Variants in SUGCT observed in about 807,000 individuals in gnomAD.
The protein encoded by SUGCT is succinyl-CoA:glutarate CoA-transferase.
In SUGCT, 41 loss-of-function variants were observed where a neutral mutation model predicts 55.0. That is an observed-to-expected ratio of 0.74 (90% CI 0.58 to 0.97). The LOEUF (loss-of-function observed/expected upper bound fraction) is 0.97. SUGCT is among the 50% of genes least tolerant of loss of function. SUGCT has a pLI of 0.00. For synonymous variants in SUGCT, 187 were observed against 200.4 expected, an observed-to-expected ratio of 0.93 and a Z score of 0.56; for missense variants, 568 against 547.8, an observed-to-expected ratio of 1.04 and a Z score of -0.37.
chr7:40,485,414 ATTCTTTTTTTTT>A (rs1228817384), intron 11 of SUGCT, among the ~76,000 whole-genome samples: 5 of 135,572 alleles, frequency 3.7e-5, no homozygotes, highest in African/African-American at 1.4e-4. Flanking sequence ...ATCTATATAC[ATTCTTTTTTTTT>A]TTTTTTTTTT....
At chr7:40,907,140 T>TGAGA in the SUGCT span, among the ~76,000 whole-genome samples, 1 of 29,136 alleles carries the variant, frequency 3.4e-5, no homozygotes, top group African/African-American at 1.0e-4. Flanking sequence ...TGTGTGTGTG[T>TGAGA]GAGAGAGAGA....
chr7:40,811,922 A>G (rs552200915), intron 13 of SUGCT, among the ~76,000 whole-genome samples: 1 of 152,172 alleles, frequency 6.6e-6, no homozygotes, highest in East Asian at 1.9e-4. Context: ...GGCTATGACT[A>G]TTTTGATGTA....
the SUGCT span, among the ~76,000 whole-genome samples, chr7:41,014,005 G>A: frequency 6.6e-6 from 1 of 152,134 alleles, no homozygotes. Flanking sequence ...ACTTAATTTG[G>A]TGACAGTGAG....
chr7:40,446,076 C>T (rs1027821991), intron 9 of SUGCT, among the ~76,000 whole-genome samples: 1 of 151,966 alleles, frequency 6.6e-6, no homozygotes, highest in African/African-American at 2.4e-5. Flanking sequence ...CCAGGGCATG[C>T]CATCCTTCAG....
the SUGCT span, among the ~76,000 whole-genome samples, chr7:40,887,137 G>A: frequency 2.0e-5 from 3 of 152,208 alleles, no homozygotes; most frequent in Admixed American, 6.5e-5. Context: ...GTGGCATGTA[G>A]TGAAGTTGAA....
intron 12 of SUGCT, among the ~76,000 whole-genome samples, chr7:40,506,668 C>A (rs1490642034): frequency 6.6e-6 from 1 of 151,832 alleles, no homozygotes; most frequent in Non-Finnish European, 1.5e-5. Context: ...TACTTATGTT[C>A]TTCTATTTTA....
chr7:40,419,610 C>T (rs1787197653), intron 9 of SUGCT, among the ~76,000 whole-genome samples: 1 of 152,028 alleles, frequency 6.6e-6, no homozygotes, highest in South Asian at 2.1e-4. Context: ...ATGATGAATC[C>T]GTTCAAGAGC....
intron 12 of SUGCT, among the ~76,000 whole-genome samples, chr7:40,722,013 A>G (rs1786363771): frequency 1.3e-5 from 2 of 152,170 alleles, no homozygotes; most frequent in African/African-American, 2.4e-5. Flanking sequence ...AAAGGAAGAA[A>G]ACCTATCCAT....
At chr7:40,527,997 A>G (rs1250478067) in intron 12 of SUGCT, among the ~76,000 whole-genome samples, 1 of 152,212 alleles carries the variant, frequency 6.6e-6, no homozygotes, top group Non-Finnish European at 1.5e-5. Context: ...GTGGATAGAT[A>G]TAAGTACAAC....
chr7:41,031,450 T>C, the SUGCT span, among the ~76,000 whole-genome samples: 2 of 152,306 alleles, frequency 1.3e-5, no homozygotes, highest in Non-Finnish European at 2.9e-5. Flanking sequence ...TGGAATTGTC[T>C]CAACTGATTG....
In SUGCT at chr7:40,524,714, G is replaced by C. The variant is rs572338532; in HGVS notation, c.1089+28328G>C. Among the ~76,000 whole-genome samples the C allele has an allele frequency of 6.6e-5, 10 of 152,250 alleles. No homozygotes were observed. In the South Asian group the frequency reaches 2.1e-3, roughly 32 times the overall value. Reference sequence around the variant, plus strand: ...GATTTCTATGGGATTAGTTCTATTTGTAGGATATTGTCACATTATTGGCTT... The same window carrying C: ...GATTTCTATGGGATTAGTTCTATTTCTAGGATATTGTCACATTATTGGCTT... On this transcript the variant is annotated intron_variant, in intron 12 of 13. Coordinates refer to ENST00000335693, the MANE Select transcript of SUGCT (RefSeq NM_001193313.2).
chr7:40,395,148 G>A (rs907856168), intron 9 of SUGCT, among the ~76,000 whole-genome samples: 1 of 152,084 alleles, frequency 6.6e-6, no homozygotes, highest in Non-Finnish European at 1.5e-5. Flanking sequence ...GCTACCCAGC[G>A]TGGTCCTGAA....
At chr7:40,443,872 T>C (rs1005862407) in intron 9 of SUGCT, among the ~76,000 whole-genome samples, 8 of 152,232 alleles carry the variant, frequency 5.3e-5, no homozygotes, top group African/African-American at 1.9e-4. Flanking sequence ...CATTTAAGTC[T>C]TTAATCCATC....
At chr7:40,434,654 A>G (rs1788075215) in intron 9 of SUGCT, among the ~76,000 whole-genome samples, 1 of 152,142 alleles carries the variant, frequency 6.6e-6, no homozygotes, top group Non-Finnish European at 1.5e-5. Flanking sequence ...TCTGGTATCT[A>G]TCTTAATCTC....
chr7:40,595,470 T>C (rs1797962321), intron 12 of SUGCT, among the ~76,000 whole-genome samples: 1 of 152,186 alleles, frequency 6.6e-6, no homozygotes, highest in Non-Finnish European at 1.5e-5. Flanking sequence ...AATTGACACG[T>C]TGTCATTGAT....
intron 7 of SUGCT, among the ~76,000 whole-genome samples, chr7:40,265,833 C>T (rs1053683043): frequency 1.3e-5 from 2 of 152,122 alleles, no homozygotes; most frequent in Admixed American, 1.3e-4. Flanking sequence ...TGCCTGTAAT[C>T]CCAGATACTT....
chr7:40,437,254 T>C (rs753486984), intron 9 of SUGCT, among the ~76,000 whole-genome samples: 9 of 152,294 alleles, frequency 5.9e-5, no homozygotes, highest in Non-Finnish European at 1.0e-4. Context: ...AATGGAGTGA[T>C]TGAAAATCCT....
At chr7:40,298,992 A>G (rs976866435) in intron 8 of SUGCT, among the ~76,000 whole-genome samples, 3 of 152,196 alleles carry the variant, frequency 2.0e-5, no homozygotes, top group Non-Finnish European at 4.4e-5. Context: ...GTGCTTGAAT[A>G]ACAATGGTTT....
intron 13 of SUGCT, among the ~76,000 whole-genome samples, chr7:40,836,609 C>G (rs995489395): frequency 5.9e-5 from 9 of 152,186 alleles, no homozygotes; most frequent in South Asian, 2.1e-4. Context: ...CACCACTTCC[C>G]TCTCTCCCTC....
Sources: gnomAD v4.1 joint callset for allele counts (sites outside exome capture counted in the v4.1 genomes callset) on GRCh38, gnomAD v4.1.1 for gene constraint, MANE v1.5 for transcripts, NCBI Gene and HGNC (gene_info 2026-07-23, HGNC 2026-07-21) for gene names.